Variants in SLC20A2 observed in about 807,000 individuals in gnomAD.
SLC20A2 encodes the protein solute carrier family 20 member 2.
Under a neutral mutation model 61.0 loss-of-function variants are expected in SLC20A2, and 30 were observed. That is an observed-to-expected ratio of 0.49 (90% CI 0.37 to 0.67). SLC20A2 has a LOEUF of 0.67. Among genes scored for constraint, SLC20A2 ranks in the 30% least tolerant of loss-of-function variants. SLC20A2 has a pLI of 0.00. For missense variants in SLC20A2, 626 were observed against 866.4 expected (o/e 0.72, Z 3.48); for synonymous variants, 351 against 353.3 (o/e 0.99, Z 0.07).
chr8:42,427,822 C>T (rs1012059789), intron 10 of SLC20A2, among the ~76,000 whole-genome samples: 3 of 152,092 alleles, frequency 2.0e-5, no homozygotes, highest in East Asian at 1.9e-4. Flanking sequence ...TAAATAGAAA[C>T]GTGGGTGGCT....
At chr8:42,460,436 C>G (rs1563484153) in intron 4 of SLC20A2, among the ~76,000 whole-genome samples, 1 of 152,232 alleles carries the variant, frequency 6.6e-6, no homozygotes, top group African/African-American at 2.4e-5. Flanking sequence ...TCCAAGCATC[C>G]TCTAAGAGAG....
chr8:42,503,745 G>C (rs1446230311), upstream of SLC20A2, among the ~76,000 whole-genome samples: 1 of 152,122 alleles, frequency 6.6e-6, no homozygotes, highest in Non-Finnish European at 1.5e-5. Flanking sequence ...CATGTGCCTG[G>C]TGACTATCAT....
chr8:42,455,253 TATATAGAG>T (rs1350172756), intron 5 of SLC20A2, among the ~76,000 whole-genome samples: 42 of 93,646 alleles, frequency 4.5e-4, no homozygotes, highest in Admixed American at 1.9e-3. Flanking sequence ...TATATATATA[TATATAGAG>T]AGAGAGAGAG....
intron 1 of SLC20A2, among the ~76,000 whole-genome samples, chr8:42,537,253 G>A (rs1057465610): frequency 8.6e-5 from 13 of 151,408 alleles, no homozygotes; most frequent in Non-Finnish European, 1.2e-4. Context: ...GCACAGTGGT[G>A]CGTGCCTGTA....
chr8:42,482,393 C>T (rs1178212016), intron 1 of SLC20A2, among the ~76,000 whole-genome samples: 1 of 152,024 alleles, frequency 6.6e-6, no homozygotes, highest in Non-Finnish European at 1.5e-5. Flanking sequence ...GTTATTTAGG[C>T]TGGGCGAGGT....
At chr8:42,443,264 G>GATAT (rs869057900) in intron 6 of SLC20A2, among the ~76,000 whole-genome samples, 2 of 105,472 alleles carry the variant, frequency 1.9e-5, no homozygotes, top group South Asian at 3.0e-4. Flanking sequence ...ATTATTATAG[G>GATAT]ATATATATAT....
chr8:42,431,252 A>C (rs1803850431), intron 8 of SLC20A2, among the ~76,000 whole-genome samples: 1 of 152,230 alleles, frequency 6.6e-6, no homozygotes, highest in Admixed American at 6.5e-5. Context: ...ACACATGAAT[A>C]ATAAGAAAGC....
chr8:42,485,802 T>C (rs2131291832), intron 1 of SLC20A2, among the ~76,000 whole-genome samples: 1 of 149,798 alleles, frequency 6.7e-6, no homozygotes, highest in African/African-American at 2.5e-5. Context: ...AAAAATTGGC[T>C]GGGCATGGTG....
At chr8:42,430,386 A>AC in intron 8 of SLC20A2, 137 bp from the exon 9 acceptor site, 1 of 789,948 alleles carries the variant, frequency 1.3e-6, no homozygotes, top group Non-Finnish European at 1.9e-6. Context: ...TTTTTGAGAC[A>AC]GAGTCTTGCT....
Position 42,444,642 on chromosome 8 carries a change from A to G in SLC20A2, c.730+4T>C. 6.2e-7 allele frequency: 1 copy of G among 1,607,700 alleles called. No homozygotes were observed. Among genetic ancestry groups the G allele is most frequent in the Non-Finnish European group, 8.5e-7 (1 of 1,174,342 alleles). ...GTAAATCAGAAGAATTAAAAGGCCCATACCTGTTATTTTCCTCCGCATCCA... is the reference window on the plus strand; with the variant it reads ...GTAAATCAGAAGAATTAAAAGGCCCGTACCTGTTATTTTCCTCCGCATCCA... On this transcript the variant is annotated splice_donor_region_variant and intron_variant, in intron 6 of 10. Coordinates refer to ENST00000520262, the MANE Select transcript of SLC20A2 (RefSeq NM_001257180.2).
At chr8:42,533,654 C>CTTTTTTTTTTT (rs1162369065) in intron 1 of SLC20A2, among the ~76,000 whole-genome samples, 6 of 55,310 alleles carry the variant, frequency 1.1e-4, no homozygotes, top group African/African-American at 4.9e-4. Context: ...ATCAACTGTT[C>CTTTTTTTTTTT]TTTTTTTTTT....
intron 1 of SLC20A2, among the ~76,000 whole-genome samples, chr8:42,486,135 TCTCA>T (rs1016441525): frequency 5.4e-5 from 7 of 129,576 alleles, no homozygotes; most frequent in African/African-American, 1.0e-4. Flanking sequence ...AGCAGAGCTC[TCTCA>T]CTGTGTGTGT....
chr8:42,537,427 G>A, intron 1 of SLC20A2: 1 of 150,770 alleles, frequency 6.6e-6, no homozygotes, highest in Non-Finnish European at 1.5e-5. Flanking sequence ...GGACAGAAGT[G>A]TATAGGAAAC....
intron 8 of SLC20A2, among the ~76,000 whole-genome samples, chr8:42,432,148 T>A (rs1448662482): frequency 6.6e-6 from 1 of 152,164 alleles, no homozygotes; most frequent in Non-Finnish European, 1.5e-5. Context: ...CTGGAAAGGA[T>A]CCCCCATTCC....
chr8:42,514,185 C>T (rs1210766048), intron 1 of SLC20A2, among the ~76,000 whole-genome samples: 1 of 152,212 alleles, frequency 6.6e-6, no homozygotes, highest in Non-Finnish European at 1.5e-5. Flanking sequence ...GTCCAGGCAT[C>T]AGCAGTTTTT....
chr8:42,466,892 ACTCCTGGCCTTAAGCAATC>A (rs1327962366), intron 2 of SLC20A2, among the ~76,000 whole-genome samples: 1 of 151,878 alleles, frequency 6.6e-6, no homozygotes, highest in Non-Finnish European at 1.5e-5. Context: ...CTGGTTTGGA[ACTCCTGGCCTTAAGCAATC>A]CTCCTGCTTC....
intron 10 of SLC20A2, among the ~76,000 whole-genome samples, chr8:42,426,839 A>G (rs966847542): frequency 6.6e-6 from 1 of 152,234 alleles, no homozygotes; most frequent in African/African-American, 2.4e-5. Flanking sequence ...CCAAAAGACA[A>G]CTGATGCCTA....
chr8:42,471,056 C>G, intron 2 of SLC20A2: 2 of 407,736 alleles, frequency 4.9e-6, no homozygotes, highest in South Asian at 1.8e-5. Context: ...CTTAGTACAC[C>G]AGCATCTTAC....
At chr8:42,501,993 GAC>G (rs922994726), upstream of SLC20A2, among the ~76,000 whole-genome samples, 11 of 152,126 alleles carry the variant, frequency 7.2e-5, no homozygotes, top group African/African-American at 2.7e-4. Flanking sequence ...TTATAACAAA[GAC>G]ACAAAACCGC....
Sources: allele counts gnomAD v4.1 joint callset (sites outside exome capture counted in the v4.1 genomes callset), GRCh38; gene constraint gnomAD v4.1.1; transcripts MANE v1.5; gene names NCBI Gene and HGNC (gene_info 2026-07-23, HGNC 2026-07-21).